DUSP5: variants seen among roughly 807,000 people sequenced by gnomAD.
DUSP5 encodes dual specificity phosphatase 5.
DUSP5 carries 22 observed loss-of-function variants against 33.6 expected under a neutral mutation model. That is an observed-to-expected ratio of 0.66 (90% CI 0.47 to 0.94). The LOEUF (loss-of-function observed/expected upper bound fraction) is 0.94, where lower values mean the gene tolerates loss of function less well. DUSP5 is among the 40% of genes least tolerant of loss of function. DUSP5 has a pLI of 0.00. For synonymous variants in DUSP5, 270 were observed against 231.1 expected (o/e 1.17, Z -1.53); for missense variants, 551 against 522.1 (o/e 1.06, Z -0.54).
chr10:110,506,922 TCCC>T lies in DUSP5; in HGVS notation c.529-12_529-10del. Reference sequence around the variant, plus strand: ...TCCAATATTTCCTGATTGTCCTTTGTCCCTGCATCCAGGGTGGCCCAGTTGAAA... The same window carrying T: ...TCCAATATTTCCTGATTGTCCTTTGTTGCATCCAGGGTGGCCCAGTTGAAA... On this transcript the variant is annotated splice_polypyrimidine_tract_variant and intron_variant, in intron 2 of 3. Transcript: ENST00000369583. 1 of 1,612,868 alleles carries T rather than the reference TCCC, an allele frequency of 6.2e-7. No individual in the cohort carries two copies. Among genetic ancestry groups the T allele is most frequent in the Non-Finnish European group, 8.5e-7 (1 of 1,178,820 alleles).
chr10:110,507,475 A>C (rs1344636421), intron 3 of DUSP5, among the ~76,000 whole-genome samples: 1 of 152,222 alleles, frequency 6.6e-6, no homozygotes, highest in Non-Finnish European at 1.5e-5. Flanking sequence ...CAAGGAAAGC[A>C]GGGGGAAGAA....
At chr10:110,498,525 G>T in intron 1 of DUSP5, 25 bp downstream of exon 1, 1 of 1,444,958 alleles carries the variant, frequency 6.9e-7, no homozygotes, top group Non-Finnish European at 9.0e-7. Flanking sequence ...TCCCTGCCAC[G>T]CTCGCCCCTC....
At position 110,510,169 on chromosome 10, in the gene DUSP5, G is replaced by A. The variant is rs1441234000; in HGVS notation, c.898G>A (p.Val300Ile). 3.1e-6 allele frequency: 5 copies of A among 1,614,082 alleles called. No homozygotes were observed. The highest frequency in any genetic ancestry group is 4.2e-6 in the Non-Finnish European group (5 of 1,180,036). Reference sequence around the variant, plus strand: ...TTACATCAAGCAGAGGAGGAGCATGGTCTCGCCCAACTTTGGCTTCATGGG... The same window carrying A: ...TTACATCAAGCAGAGGAGGAGCATGATCTCGCCCAACTTTGGCTTCATGGG... Reference protein sequence around the residue: ...FDYIKQRRSMVSPNFGFMGQL... With the variant: ...FDYIKQRRSMISPNFGFMGQL... The change falls in exon 4 of 4, where the codon GTC becomes ATC. Residue 300 changes from valine to isoleucine, a missense_variant. Coordinates refer to ENST00000369583, the MANE Select transcript of DUSP5 (RefSeq NM_004419.4).
chr10:110,499,858 G>A (rs765829265), intron 1 of DUSP5, among the ~76,000 whole-genome samples: 4 of 152,088 alleles, frequency 2.6e-5, no homozygotes, highest in East Asian at 1.9e-4. Flanking sequence ...TATGAAAGAG[G>A]TTCCAGGAGA....
In DUSP5 at chr10:110,510,554, A is replaced by T; in HGVS notation, c.*128A>T. On this transcript the variant is annotated 3_prime_UTR_variant, in exon 4 of 4. Transcript: ENST00000369583. Reference sequence around the variant, plus strand: ...GTCATGCTGCCCCAGTGAGATAGTGAGTGGTCACCAGGCTTGCAAATGAAC... The same window carrying T: ...GTCATGCTGCCCCAGTGAGATAGTGTGTGGTCACCAGGCTTGCAAATGAAC... 1 of 1,275,652 alleles carries T rather than the reference A, an allele frequency of 7.8e-7. No individual in the cohort carries two copies. The highest frequency in any genetic ancestry group is 2.1e-4 in the Middle Eastern group (1 of 4,808). The allele number at this position is 1,275,652 out of a possible 1,614,324, so 79.0% of individuals were successfully genotyped here. A position where few individuals can be genotyped will look rare whatever the true frequency, so the allele number is the denominator to read the frequency against.
chr10:110,507,208 T>G, intron 3 of DUSP5, 54 bp downstream of exon 3: 2 of 1,550,738 alleles, frequency 1.3e-6, no homozygotes, highest in South Asian at 2.3e-5. Context: ...GGGGCATGTG[T>G]TCTTGACTTT....
rs1016819143 is a variant in DUSP5, at chr10:110,510,755, A to G, written c.*329A>G. ...CATAAGGCAATAAATACCTGCAGCA[A>G]CGTGGGAGAAAGAAGTTGCTGGACC... is the stretch of plus-strand genomic sequence containing the variant. On this transcript the variant is annotated 3_prime_UTR_variant, in exon 4 of 4. Transcript: ENST00000369583. The G allele has an allele frequency of 1.2e-5, 3 of 241,026 alleles. No individual in the cohort carries two copies. In the East Asian group the frequency reaches 2.4e-4, roughly 19 times the overall value. The allele number at this position is 241,026 out of a possible 1,614,324, so 14.9% of individuals were successfully genotyped here. A position where few individuals can be genotyped will look rare whatever the true frequency, so the allele number is the denominator to read the frequency against.
chr10:110,507,549 G>C (rs1339445024), intron 3 of DUSP5, among the ~76,000 whole-genome samples: 1 of 152,172 alleles, frequency 6.6e-6, no homozygotes, highest in Non-Finnish European at 1.5e-5. Flanking sequence ...AGGATTCAGA[G>C]AGCACTACTT....
intron 2 of DUSP5, 25 bp from the exon 3 acceptor site, chr10:110,506,910 G>A: frequency 6.8e-6 from 11 of 1,607,374 alleles, no homozygotes; most frequent in Non-Finnish European, 9.4e-6. Context: ...AATATTTCCT[G>A]ATTGTCCTTT....
intron 3 of DUSP5, 95 bp from the exon 4 acceptor site, chr10:110,509,925 C>T (rs1860165468): frequency 6.8e-7 from 1 of 1,476,756 alleles, no homozygotes; most frequent in Admixed American, 2.2e-5. Context: ...ACAACAGTTT[C>T]ATATCTAGGT....
rs2134665568 is a variant in DUSP5 at position 110,510,201 on chromosome 10, C to A, written c.930C>A (p.Leu310=). Residue 310 remains leucine, a synonymous_variant, in exon 4 of 4, where the codon CTC becomes CTA. Transcript: ENST00000369583. ...CCAACTTTGGCTTCATGGGCCAGCTCCTGCAGTACGAATCTGAGATCCTGC... is the reference window on the plus strand; with the variant it reads ...CCAACTTTGGCTTCATGGGCCAGCTACTGCAGTACGAATCTGAGATCCTGC... ...VSPNFGFMGQ[L]LQYESEILPS... is the part of the protein sequence containing the mutation. 2.5e-6 allele frequency: 4 copies of A among 1,614,238 alleles called. No individual in the cohort carries two copies. Among genetic ancestry groups the A allele is most frequent in the Non-Finnish European group, 3.4e-6 (4 of 1,180,034 alleles).
At chr10:110,507,328 A>G (rs1860131391) in intron 3 of DUSP5, among the ~76,000 whole-genome samples, 174 bp downstream of exon 3, 1 of 152,226 alleles carries the variant, frequency 6.6e-6, no homozygotes, top group Non-Finnish European at 1.5e-5. Context: ...GGAAGGGAGG[A>G]TTTAAGTTGC....
At chr10:110,509,323 A>G (rs1419956237) in intron 3 of DUSP5, among the ~76,000 whole-genome samples, 1 of 152,208 alleles carries the variant, frequency 6.6e-6, no homozygotes, top group Non-Finnish European at 1.5e-5. Flanking sequence ...GCAAGATGGA[A>G]TTTGTGAAAG....
Position 110,507,059 on chromosome 10 carries a change from C to T in DUSP5, c.653C>T (p.Ala218Val), listed in dbSNP as rs1379545933. The change falls in exon 3 of 4, where the codon GCC becomes GTC. Residue 218 changes from alanine to valine, a missense_variant. Ala to Val is a moderately conservative substitution (Grantham distance 64). Transcript: ENST00000369583. The part of the protein sequence containing the change: ...LLNVSRRTSE[A>V]CATHLHYKWI... Reference sequence around the variant, plus strand: ...AATGTCTCCCGACGGACCTCCGAGGCCTGCGCGACCCACCTACACTACAAA... The same window carrying T: ...AATGTCTCCCGACGGACCTCCGAGGTCTGCGCGACCCACCTACACTACAAA... 3.7e-6 allele frequency: 6 copies of T among 1,614,106 alleles called. No individual in the cohort carries two copies. In the African/African-American group the frequency reaches 5.3e-5, roughly 14 times the overall value.
chr10:110,498,507 G>A lies in DUSP5; in HGVS notation c.379+7G>A. 6.7e-7 allele frequency: 1 copy of A among 1,503,012 alleles called. No individual in the cohort carries two copies. 93.1% of individuals were successfully genotyped at this position (1,503,012 alleles called of 1,614,324 possible). ...CGGGTCTACTTCCTCAAAGGTGAGCGCTCGGGGTCCCTGCCACGCTCGCCC... is the reference window on the plus strand; with the variant it reads ...CGGGTCTACTTCCTCAAAGGTGAGCACTCGGGGTCCCTGCCACGCTCGCCC... On this transcript the variant is annotated splice_region_variant and intron_variant, in intron 1 of 3. Transcript: ENST00000369583.
chr10:110,502,265 A>G (rs1328826447), intron 1 of DUSP5, among the ~76,000 whole-genome samples: 1 of 152,178 alleles, frequency 6.6e-6, no homozygotes, highest in Admixed American at 6.5e-5. Context: ...TTATAAATGG[A>G]GGAGGTTCCA....
Position 110,502,768 on chromosome 10 carries a change from G to A in DUSP5, c.427G>A (p.Val143Ile), listed in dbSNP as rs201764148. The change falls in exon 2 of 4, where the codon GTA becomes ATA. Residue 143 changes from valine (V) to isoleucine (I), a missense_variant. By Grantham distance (29) the Val-to-Ile change is conservative. Transcript: ENST00000369583. Reference sequence around the variant, plus strand: ...GGAATATCCTGAGTGTTGCGTGGATGTAAAACCCATTTCACAAGAGAAGAT... The same window carrying A: ...GGAATATCCTGAGTGTTGCGTGGATATAAAACCCATTTCACAAGAGAAGAT... ...YSEYPECCVD[V>I]KPISQEKIES... 10 of 1,614,054 alleles carry A rather than the reference G, an allele frequency of 6.2e-6. No homozygotes were observed. Among genetic ancestry groups the A allele is most frequent in the Middle Eastern group, 1.6e-4 (1 of 6,084 alleles).
chr10:110,498,075 C>G lies in DUSP5; in HGVS notation c.-47C>G. On this transcript the variant is annotated 5_prime_UTR_variant, in exon 1 of 4. Transcript: ENST00000369583. ...GCCGTGGACACCCTGGCCGTGGGCA[C>G]CCGCGGGGCGCGCGGCGCGGGGCCG... 8.7e-7 allele frequency: 1 copy of G among 1,149,480 alleles called. No individual in the cohort carries two copies. The highest frequency in any genetic ancestry group is 3.8e-5 in the South Asian group (1 of 26,222). The allele number at this position is 1,149,480 out of a possible 1,614,324, so 71.2% of individuals were successfully genotyped here.
rs1224261950 is a variant in DUSP5 at position 110,498,295 on chromosome 10, C to CGCGGT, written c.176_180dup (p.Ser61ArgfsTer85). 1 of 1,442,254 alleles carries CGCGGT rather than the reference C, an allele frequency of 6.9e-7. No homozygotes were observed. The highest frequency in any genetic ancestry group is 1.5e-5 in the African/African-American group (1 of 68,254). The allele number at this position is 1,442,254 out of a possible 1,614,324, so 89.3% of individuals were successfully genotyped here. A position where few individuals can be genotyped will look rare whatever the true frequency, so the allele number is the denominator to read the frequency against. ...TGGTGCTGCGGCGGGCCCGGGGCGG[C>CGCGGT]GCGGTGTCGGCGCGCTACGTGCTGC... is the stretch of plus-strand genomic sequence containing the variant. On this transcript the variant is annotated frameshift_variant, in exon 1 of 4. Coordinates refer to ENST00000369583, the MANE Select transcript of DUSP5 (RefSeq NM_004419.4). LOFTEE classifies it high-confidence loss of function.
Sources: gnomAD v4.1 joint callset for allele counts (sites outside exome capture counted in the v4.1 genomes callset) on GRCh38, gnomAD v4.1.1 for gene constraint, MANE v1.5 for transcripts, NCBI Gene and HGNC (gene_info 2026-07-23, HGNC 2026-07-21) for gene names.